ADAMTS19: variants seen among roughly 807,000 people sequenced by gnomAD.
The protein encoded by ADAMTS19 is A disintegrin and metalloproteinase with thrombospondin motifs 19.
Under a neutral mutation model 153.3 loss-of-function variants are expected in ADAMTS19, and 93 were observed. That is an observed-to-expected ratio of 0.61 (90% CI 0.51 to 0.72). The LOEUF is 0.72. Ranked by LOEUF, ADAMTS19 falls within the 30% of genes least tolerant of loss-of-function variation. ADAMTS19 has a pLI of 0.00. For missense variants in ADAMTS19, 1,482 were observed against 1,552.1 expected, an observed-to-expected ratio of 0.95 and a Z score of 0.76; for synonymous variants, 600 against 556.6, an observed-to-expected ratio of 1.08 and a Z score of -1.10.
At chr5:129,564,177 T>G (rs1001068776) in intron 7 of ADAMTS19, among the ~76,000 whole-genome samples, 2 of 152,180 alleles carry the variant, frequency 1.3e-5, no homozygotes, top group African/African-American at 2.4e-5. Context: ...TGCATGAGTT[T>G]GTAAGCTGAT....
At chr5:129,501,478 T>C (rs1442032615) in intron 2 of ADAMTS19, among the ~76,000 whole-genome samples, 1 of 152,152 alleles carries the variant, frequency 6.6e-6, no homozygotes, top group Non-Finnish European at 1.5e-5. Flanking sequence ...ATAGCTACCA[T>C]CTGTGAGGTG....
chr5:129,477,205 A>G (rs904618432), intron 2 of ADAMTS19, among the ~76,000 whole-genome samples: 2 of 152,218 alleles, frequency 1.3e-5, no homozygotes, highest in African/African-American at 4.8e-5. Flanking sequence ...TAGGAATTCT[A>G]TCAGGAGAGA....
chr5:129,520,907 T>A (rs1460448872), intron 3 of ADAMTS19, among the ~76,000 whole-genome samples: 1 of 152,140 alleles, frequency 6.6e-6, no homozygotes, highest in East Asian at 1.9e-4. Flanking sequence ...GCCAGCTCCA[T>A]GCCCTAATTT....
chr5:129,678,426 T>G (rs1415592247), intron 16 of ADAMTS19, among the ~76,000 whole-genome samples: 1 of 152,146 alleles, frequency 6.6e-6, no homozygotes, highest in African/African-American at 2.4e-5. Flanking sequence ...TTGTTTAATG[T>G]CTGGCTCTGC....
chr5:129,571,014 C>T (rs1333479623), intron 7 of ADAMTS19, among the ~76,000 whole-genome samples: 1 of 151,922 alleles, frequency 6.6e-6, no homozygotes, highest in Middle Eastern at 3.4e-3. Context: ...CAGACTGAAG[C>T]AAGGCAAGGC....
chr5:129,475,013 A>G (rs1750180907), intron 2 of ADAMTS19, among the ~76,000 whole-genome samples: 2 of 151,880 alleles, frequency 1.3e-5, no homozygotes, highest in African/African-American at 2.4e-5. Flanking sequence ...TGATTTGCTA[A>G]TGTTTTCTTC....
intron 8 of ADAMTS19, among the ~76,000 whole-genome samples, chr5:129,617,689 A>G (rs1244130450): frequency 6.6e-6 from 1 of 152,040 alleles, no homozygotes; most frequent in Non-Finnish European, 1.5e-5. Context: ...GCTGCATTTG[A>G]ACCACACAGT....
At chr5:129,663,361 C>A (rs1753903596) in intron 15 of ADAMTS19, among the ~76,000 whole-genome samples, 1 of 152,184 alleles carries the variant, frequency 6.6e-6, no homozygotes, top group African/African-American at 2.4e-5. Context: ...AATAGCATGA[C>A]TTTTCTCTAG....
At chr5:129,620,571 A>G (rs1276840158) in intron 8 of ADAMTS19, 47 bp from the exon 9 acceptor site, 1 of 1,352,562 alleles carries the variant, frequency 7.4e-7, no homozygotes, top group Non-Finnish European at 9.7e-7. Context: ...TTAACAAGTA[A>G]CATTTACTTA....
chr5:129,719,402 G>T (rs1393958071), intron 21 of ADAMTS19, among the ~76,000 whole-genome samples: 1 of 152,118 alleles, frequency 6.6e-6, no homozygotes, highest in Non-Finnish European at 1.5e-5. Flanking sequence ...AATATTCAGA[G>T]TGACAAATGA....
intron 7 of ADAMTS19, 131 bp from the exon 8 acceptor site, chr5:129,596,428 G>T: frequency 3.5e-6 from 2 of 577,152 alleles, no homozygotes; most frequent in East Asian, 3.1e-5. Flanking sequence ...CATTTATTAG[G>T]GCTAGATTTC....
At chr5:129,699,784 A>G (rs995902436) in intron 19 of ADAMTS19, among the ~76,000 whole-genome samples, 3 of 152,202 alleles carry the variant, frequency 2.0e-5, no homozygotes, top group East Asian at 1.9e-4. Context: ...CAAGATGAGC[A>G]TATGGTTTAT....
intron 2 of ADAMTS19, among the ~76,000 whole-genome samples, chr5:129,491,212 C>T (rs915333633): frequency 5.9e-5 from 9 of 152,056 alleles, no homozygotes; most frequent in African/African-American, 1.9e-4. Flanking sequence ...CCATGTCAGC[C>T]AGGATGGTCT....
chr5:129,549,676 A>G lies in ADAMTS19; in HGVS notation c.1329-2188A>G, dbSNP rs185715480. Among the ~76,000 whole-genome samples, 151 of 151,444 alleles carry G rather than the reference A, an allele frequency of 1.0e-3. 1 individual carries two copies. The highest frequency in any genetic ancestry group is 3.6e-3 in the African/African-American group (149 of 41,444). ...CCAGTATTGATTATTCTACTTAACA[A>G]TTGTATATCAGAGCTTTTAAGAGCT... On this transcript the variant is annotated intron_variant, in intron 6 of 22. Coordinates refer to ENST00000274487, the MANE Select transcript of ADAMTS19 (RefSeq NM_133638.6).
At chr5:129,711,923 T>C (rs1561664203) in intron 21 of ADAMTS19, among the ~76,000 whole-genome samples, 1 of 151,988 alleles carries the variant, frequency 6.6e-6, no homozygotes, top group Non-Finnish European at 1.5e-5. Flanking sequence ...GCAGAGGACA[T>C]AGCTAATTTG....
At chr5:129,616,837 A>G (rs115045493) in intron 8 of ADAMTS19, among the ~76,000 whole-genome samples, 1 of 152,096 alleles carries the variant, frequency 6.6e-6, no homozygotes, top group African/African-American at 2.4e-5. Flanking sequence ...CATTTCTGCT[A>G]AAAGAACAGA....
chr5:129,463,608 G>A (rs780217067), intron 2 of ADAMTS19, among the ~76,000 whole-genome samples: 7 of 152,220 alleles, frequency 4.6e-5, no homozygotes, highest in Middle Eastern at 3.4e-3. Flanking sequence ...AAGAAGGGTG[G>A]GTTTGTTACT....
chr5:129,535,621 A>C (rs1277268077), intron 6 of ADAMTS19, among the ~76,000 whole-genome samples: 1 of 152,184 alleles, frequency 6.6e-6, no homozygotes, highest in Non-Finnish European at 1.5e-5. Context: ...CTAAGCCAAA[A>C]GAACAAAGCT....
chr5:129,489,611 T>G (rs891511427), intron 2 of ADAMTS19, among the ~76,000 whole-genome samples: 2 of 152,194 alleles, frequency 1.3e-5, no homozygotes, highest in Non-Finnish European at 1.5e-5. Flanking sequence ...TTTTAAAATG[T>G]TCATTACTAT....
Sources: gnomAD v4.1 joint callset for allele counts (sites outside exome capture counted in the v4.1 genomes callset) on GRCh38, gnomAD v4.1.1 for gene constraint, MANE v1.5 for transcripts, NCBI Gene and HGNC (gene_info 2026-07-23, HGNC 2026-07-21) for gene names.